TLE2: variants seen among roughly 807,000 people sequenced by gnomAD.
The protein encoded by TLE2 is TLE family member 2, transcriptional corepressor, also known as transducin-like enhancer protein 2.
A neutral mutation model predicts 97.2 loss-of-function variants in TLE2; 74 were observed. That is an observed-to-expected ratio of 0.76 (90% CI 0.63 to 0.92). TLE2 has a LOEUF of 0.92. Ranked by LOEUF, TLE2 falls within the 40% of genes least tolerant of loss-of-function variation. TLE2 has a pLI of 0.00. For missense variants in TLE2, 1,038 were observed against 1,008.7 expected (o/e 1.03, Z -0.39); for synonymous variants, 499 against 432.1 (o/e 1.15, Z -1.92).
intron 14 of TLE2, among the ~76,000 whole-genome samples, chr19:3,007,068 A>T (rs2089495164): frequency 1.3e-5 from 2 of 151,694 alleles, no homozygotes. Flanking sequence ...TACAGGCGTG[A>T]GCCACCATGC....
intron 8 of TLE2, among the ~76,000 whole-genome samples, chr19:3,017,512 A>G (rs978149374): frequency 1.4e-5 from 2 of 140,764 alleles, no homozygotes; most frequent in Admixed American, 7.6e-5. Flanking sequence ...GTGCAGTGGC[A>G]CGATCACAGC....
chr19:3,017,741 C>A, intron 8 of TLE2, 99 bp downstream of exon 8: 1 of 1,182,944 alleles, frequency 8.5e-7, no homozygotes, highest in Non-Finnish European at 1.2e-6. Flanking sequence ...CGTGAGCCAC[C>A]ATGATCGACC....
At chr19:3,013,933 C>T in intron 10 of TLE2, 115 bp from the exon 11 acceptor site, 9 of 1,045,818 alleles carry the variant, frequency 8.6e-6, no homozygotes, top group Non-Finnish European at 1.0e-5. Context: ...CCATGACCCA[C>T]CATGGGAAGA....
chr19:3,033,377 C>T (rs901389296), upstream of TLE2, among the ~76,000 whole-genome samples: 14 of 152,158 alleles, frequency 9.2e-5, no homozygotes, highest in Non-Finnish European at 1.6e-4. Context: ...CCATGTTAGT[C>T]AGGATGGTCT....
chr19:3,030,505 CAG>C (rs1272872812), upstream of TLE2, among the ~76,000 whole-genome samples: 1 of 152,160 alleles, frequency 6.6e-6, no homozygotes, highest in African/African-American at 2.4e-5. Context: ...GGGAACAAAA[CAG>C]AGAAAAATCC....
At position 2,997,934 on chromosome 19, in the gene TLE2, G is replaced by C. The variant is rs372279902; in HGVS notation, c.2146C>G (p.Leu716Val). The change falls in exon 20 of 20, where the codon CTG becomes GTG. Residue 716 changes from leucine to valine, a missense_variant. Transcript: ENST00000262953. ...TTATTTCTGGAGATGTCACAACTCA[G>C]GACTGAGGACGACTCCTTGGACTGC... ...IFQSKESSSV[L>V]SCDISRNNKY... 2.5e-6 allele frequency: 4 copies of C among 1,612,576 alleles called. No individual in the cohort carries two copies. The African/African-American group carries it at 4.0e-5, about 16-fold the overall frequency.
At chr19:3,035,937 C>G (rs917616839) in intron 1 of TLE2, among the ~76,000 whole-genome samples, 1 of 152,168 alleles carries the variant, frequency 6.6e-6, no homozygotes, top group Non-Finnish European at 1.5e-5. Context: ...CGAGTCACCC[C>G]CAAGCCTGGC....
chr19:3,027,679 G>T, intron 4 of TLE2, 150 bp downstream of exon 4: 1 of 714,508 alleles, frequency 1.4e-6, no homozygotes. Flanking sequence ...CCTGGTCCCA[G>T]ATGGGCCCTC....
At chr19:3,033,715 G>A (rs1395755649), upstream of TLE2, among the ~76,000 whole-genome samples, 5 of 152,058 alleles carry the variant, frequency 3.3e-5, no homozygotes, top group African/African-American at 4.8e-5. Context: ...TCTCCTGTCC[G>A]GGCGGCCCTC....
In TLE2 at chr19:3,015,604, G is replaced by A. The variant is rs1405103712; in HGVS notation, c.678+49C>T. 5 of 1,470,442 alleles carry A rather than the reference G, an allele frequency of 3.4e-6. No homozygotes were observed. The South Asian group carries it at 6.0e-5, about 18-fold the overall frequency. The allele number at this position is 1,470,442 out of a possible 1,614,324, so 91.1% of individuals were successfully genotyped here. A position where few individuals can be genotyped will look rare whatever the true frequency, so the allele number is the denominator to read the frequency against. On this transcript the variant is annotated intron_variant, in intron 9 of 19. Transcript: ENST00000262953. ...CTGGAAGGCTCTGAGGGGCCAGGCT[G>A]GTCTGGGCCATGCACGCCCATCCCA...
rs766834549 is a variant in TLE2, at chr19:3,002,441, G to A, written c.1959C>T (p.Asn653=). The A allele has an allele frequency of 1.9e-5, 31 of 1,611,598 alleles. No individual in the cohort carries two copies. Among genetic ancestry groups the A allele is most frequent in the South Asian group, 1.8e-4 (16 of 90,796 alleles). Reference sequence around the variant, plus strand: ...GCTTGCGGACGTGCAGGATCTCCACGTTGCTACTCTCCATTCCGACCGCCA... The same window carrying A: ...GCTTGCGGACGTGCAGGATCTCCACATTGCTACTCTCCATTCCGACCGCCA... ...DWLAVGMESS[N]VEILHVRKPE... is the part of the protein sequence containing the mutation. Residue 653 remains asparagine (N), a synonymous_variant, in exon 18 of 20, where the codon AAC becomes AAT. Coordinates refer to ENST00000262953, the MANE Select transcript of TLE2 (RefSeq NM_003260.5).
intron 2 of TLE2, 54 bp from the exon 3 acceptor site, chr19:3,028,436 T>C: frequency 6.5e-7 from 1 of 1,527,682 alleles, no homozygotes; most frequent in Non-Finnish European, 8.9e-7. Context: ...TGGGCCGGCT[T>C]CCAAAGTGAG....
rs2145179833 is a variant in TLE2, at chr19:3,019,411, CG to C, written c.421del (p.Arg141AlafsTer151). The C allele has an allele frequency of 1.3e-6, 2 of 1,538,368 alleles. No individual in the cohort carries two copies. Among genetic ancestry groups the C allele is most frequent in the Non-Finnish European group, 8.7e-7 (1 of 1,147,712 alleles). On this transcript the variant is annotated frameshift_variant, in exon 7 of 20. Transcript: ENST00000262953. LOFTEE classifies it high-confidence loss of function. The surrounding 1 kb of genome is among the most constrained non-coding windows in gnomAD (Gnocchi z 5.1). ...ACTGCCGCCCACCAGCCCGGCTGGG[CG>C]GGGGGTGAGGGGCACAGGGGGTGCG... ...HHAPPVPLTP[R>X]PAGLVGGSAT...
At position 3,009,686 on chromosome 19, in the gene TLE2, CA is replaced by C; in HGVS notation, c.1028del (p.Leu343ArgfsTer49). ...STDSVALRSP[L>X]TLSSPFTTSF... is the part of the protein sequence containing the mutation. ...ACGTGGTGAAGGGACTGGACAGAGT[CA>C]GGGGGCTCCTCAGGGCTGAGACGGA... On this transcript the variant is annotated frameshift_variant, in exon 13 of 20. Transcript: ENST00000262953. LOFTEE classifies it high-confidence loss of function. 6.2e-7 allele frequency: 1 copy of C among 1,611,856 alleles called. No homozygotes were observed. The highest frequency in any genetic ancestry group is 1.1e-5 in the South Asian group (1 of 90,532).
chr19:3,001,418 GT>G (rs2089356067), intron 18 of TLE2, among the ~76,000 whole-genome samples: 1 of 149,534 alleles, frequency 6.7e-6, no homozygotes, highest in Non-Finnish European at 1.5e-5. Context: ...CCCAGCCCAA[GT>G]TTTGTTTGTT....
upstream of TLE2, among the ~76,000 whole-genome samples, chr19:3,047,284 G>A (rs1374346898): frequency 6.9e-6 from 1 of 145,634 alleles, no homozygotes; most frequent in Non-Finnish European, 1.5e-5. Flanking sequence ...CGGCCGCGGC[G>A]GGGAGGGGGC....
chr19:3,005,499 T>G lies in TLE2; in HGVS notation c.1834A>C (p.Thr612Pro). ...TRLWTGGLDN[T>P]VRCWDLREGR... ...TCCCGCAGGTCCCAGCAGCGCACCG[T>G]GTTGTCCAGGCCCCCTGTCCAGAGC... Residue 612 changes from threonine to proline, a missense_variant, in exon 17 of 20, where the codon ACG (threonine) becomes CCG (proline). Thr to Pro is a conservative substitution (Grantham distance 38). Coordinates refer to ENST00000262953, the MANE Select transcript of TLE2 (RefSeq NM_003260.5). 6.2e-7 allele frequency: 1 copy of G among 1,613,722 alleles called. No homozygotes were observed.
At chr19:3,028,257 T>G in intron 3 of TLE2, 62 bp downstream of exon 3, 1 of 1,522,408 alleles carries the variant, frequency 6.6e-7, no homozygotes. Context: ...TACCCCAGAG[T>G]CCACCGTGAC....
At chr19:3,035,831 C>G (rs1006349164) in intron 1 of TLE2, among the ~76,000 whole-genome samples, 1 of 152,142 alleles carries the variant, frequency 6.6e-6, no homozygotes, top group Non-Finnish European at 1.5e-5. Context: ...TGGCCCCCCT[C>G]CCTAGGAGAA....
Sources: gnomAD v4.1 joint callset for allele counts (sites outside exome capture counted in the v4.1 genomes callset) on GRCh38, gnomAD v4.1.1 for gene constraint, Gnocchi (gnomAD v3.1) non-coding constraint, MANE v1.5 for transcripts, NCBI Gene and HGNC (gene_info 2026-07-23, HGNC 2026-07-21) for gene names.